Variants in ABCB4 observed in about 807,000 individuals in gnomAD.
ABCB4 encodes the protein ATP binding cassette subfamily B member 4.
A neutral mutation model predicts 145.7 loss-of-function variants in ABCB4; 76 were observed. The observed-to-expected ratio is 0.52, with a 90% confidence interval of 0.43 to 0.63. The LOEUF (loss-of-function observed/expected upper bound fraction) is 0.63. Among genes scored for constraint, ABCB4 ranks in the 30% least tolerant of loss-of-function variants. The pLI, the probability that ABCB4 is intolerant of heterozygous loss-of-function variation, is 0.00. For missense variants in ABCB4, 1,234 were observed against 1,553.1 expected (o/e 0.79, Z 3.45); for synonymous variants, 517 against 566.8 (o/e 0.91, Z 1.25).
chr7:87,402,368 A>C (rs1403217847), intron 27 of ABCB4, 66 bp from the exon 28 acceptor site: 112 of 1,569,722 alleles, frequency 7.1e-5, no homozygotes, highest in Non-Finnish European at 9.0e-5. Context: ...CATTCAAGTA[A>C]ATTTGAAAAT....
chr7:87,469,348 C>T (rs563867615), intron 3 of ABCB4, among the ~76,000 whole-genome samples: 1 of 152,174 alleles, frequency 6.6e-6, no homozygotes, highest in Non-Finnish European at 1.5e-5. Context: ...TCCTATTCAA[C>T]ATAGTGTTGG....
chr7:87,401,810 T>C lies in ABCB4; in HGVS notation c.*286A>G. On this transcript the variant is annotated 3_prime_UTR_variant, in exon 28 of 28. Coordinates refer to ENST00000649586, the MANE Select transcript of ABCB4 (RefSeq NM_000443.4). ...ACCATTTCCCTATGTCTGTGGCTTC[T>C]ATATTTCTACACCTGTACTTACCTT... 1.9e-6 allele frequency: 1 copy of C among 518,584 alleles called. No homozygotes were observed. The highest frequency in any genetic ancestry group is 1.9e-5 in the African/African-American group (1 of 52,254). 32.1% of individuals were successfully genotyped at this position (518,584 alleles called of 1,614,324 possible).
At chr7:87,435,441 G>A (rs1252842568) in intron 14 of ABCB4, among the ~76,000 whole-genome samples, 2 of 152,186 alleles carry the variant, frequency 1.3e-5, no homozygotes, top group African/African-American at 4.8e-5. Context: ...TAAAGAAATT[G>A]ATTTCTACAA....
intron 16 of ABCB4, 149 bp downstream of exon 16, chr7:87,426,601 T>C: frequency 1.4e-6 from 1 of 738,530 alleles, no homozygotes; most frequent in Admixed American, 2.8e-5. Flanking sequence ...GTCAAATACA[T>C]TTAAAATTTG....
At chr7:87,449,451 T>G (rs1275938777) in intron 8 of ABCB4, among the ~76,000 whole-genome samples, 1 of 152,058 alleles carries the variant, frequency 6.6e-6, no homozygotes, top group Non-Finnish European at 1.5e-5. Context: ...TTTAAAAAAT[T>G]TTTACTCTTT....
In ABCB4 at chr7:87,472,450, T is replaced by C. The variant is rs45590732; in HGVS notation, c.135+171A>G. Among the ~76,000 whole-genome samples, 7,384 of 152,184 alleles carry C rather than the reference T, an allele frequency of 0.049. 264 individuals are homozygous for C. The highest frequency in any genetic ancestry group is 0.067 in the Non-Finnish European group (4,588 of 68,006). ...TGTTGTCCAGGCTGGTCTCAAACTCTTGTGCTCAAGCAACCCTCCCACCTC... is the reference window on the plus strand; with the variant it reads ...TGTTGTCCAGGCTGGTCTCAAACTCCTGTGCTCAAGCAACCCTCCCACCTC... On this transcript the variant is annotated intron_variant, in intron 3 of 27. Transcript: ENST00000649586.
intron 14 of ABCB4, 90 bp downstream of exon 14, chr7:87,439,577 C>G (rs1291695212): frequency 1.4e-6 from 2 of 1,454,376 alleles, no homozygotes; most frequent in Non-Finnish European, 1.9e-6. Context: ...TGCTATGTTT[C>G]TGTTTCTCAG....
intron 12 of ABCB4, among the ~76,000 whole-genome samples, chr7:87,442,214 T>A (rs45539339): frequency 2.6e-5 from 4 of 151,992 alleles, no homozygotes; most frequent in African/African-American, 9.7e-5. Flanking sequence ...CAGAGTTTAC[T>A]TTAGTAAATG....
chr7:87,463,094 G>A (rs1812575500), intron 3 of ABCB4, among the ~76,000 whole-genome samples, 186 bp from the exon 4 acceptor site: 1 of 152,092 alleles, frequency 6.6e-6, no homozygotes, highest in African/African-American at 2.4e-5. Context: ...TTTGTATTCT[G>A]TGAAGAAATC....
intron 3 of ABCB4, among the ~76,000 whole-genome samples, chr7:87,463,483 AC>A (rs892871146): frequency 2.6e-5 from 4 of 152,204 alleles, no homozygotes; most frequent in African/African-American, 9.7e-5. Flanking sequence ...CTTATGCAGA[AC>A]CTTTTTTAAA....
chr7:87,445,832 T>C (rs1332626147), intron 9 of ABCB4, among the ~76,000 whole-genome samples: 2 of 152,174 alleles, frequency 1.3e-5, no homozygotes, highest in African/African-American at 4.8e-5. Flanking sequence ...GTTAATGCAA[T>C]AGAGTCCCTG....
At chr7:87,375,597 T>A in the ABCB4 span, 1 of 1,501,442 alleles carries the variant, frequency 6.7e-7, no homozygotes. Flanking sequence ...TTTCTGCCTG[T>A]ACTCTTTTTT....
chr7:87,467,003 A>T (rs1425831914), intron 3 of ABCB4, among the ~76,000 whole-genome samples: 1 of 152,236 alleles, frequency 6.6e-6, no homozygotes, highest in Non-Finnish European at 1.5e-5. Context: ...AATGAGCAAA[A>T]TAACCAGCTA....
chr7:87,459,967 T>C (rs1292003641), intron 4 of ABCB4, among the ~76,000 whole-genome samples: 2 of 152,204 alleles, frequency 1.3e-5, no homozygotes, highest in African/African-American at 4.8e-5. Context: ...AGTGGAGATA[T>C]GGTGCTGACA....
In ABCB4 at chr7:87,472,624, T is replaced by G. The variant is rs774776417; in HGVS notation, c.132A>C (p.Thr44=). 4 of 1,607,956 alleles carry G rather than the reference T, an allele frequency of 2.5e-6. No individual in the cohort carries two copies. The highest frequency in any genetic ancestry group is 3.3e-5 in the Admixed American group (2 of 59,980). Residue 44 remains threonine, a synonymous_variant, in exon 3 of 28, where the codon ACA becomes ACC. Transcript: ENST00000649586. ...CATTTAACATTTCACAGCTTACCAA[T>G]GTTAATACTCCAATCATTTTCACTG... The part of the protein sequence containing the change: ...TKTVKMIGVL[T]LFRYSDWQDK...
intron 14 of ABCB4, among the ~76,000 whole-genome samples, chr7:87,432,755 G>A (rs1323977709): frequency 6.6e-6 from 1 of 152,166 alleles, no homozygotes; most frequent in Non-Finnish European, 1.5e-5. Context: ...GTTTCTTAAT[G>A]AGGTGGTGAA....
chr7:87,466,888 T>C (rs1312321762), intron 3 of ABCB4, among the ~76,000 whole-genome samples: 3 of 151,624 alleles, frequency 2.0e-5, no homozygotes, highest in African/African-American at 7.3e-5. Context: ...CTAAAAGAGG[T>C]CCTGAAGGAA....
intron 20 of ABCB4, 76 bp downstream of exon 20, chr7:87,418,461 A>G: frequency 1.5e-6 from 2 of 1,318,850 alleles, no homozygotes; most frequent in Non-Finnish European, 2.2e-6. Context: ...AAGCATCTTA[A>G]CAAGTGTGGG....
intron 21 of ABCB4, among the ~76,000 whole-genome samples, chr7:87,413,967 C>T (rs544433384): frequency 7.2e-4 from 109 of 152,356 alleles, no homozygotes; most frequent in South Asian, 4.3e-3. Context: ...AGGGCAAGAA[C>T]TGTGGCCTGG....
Sources: gnomAD v4.1 joint callset for allele counts (sites outside exome capture counted in the v4.1 genomes callset) on GRCh38, gnomAD v4.1.1 for gene constraint, MANE v1.5 for transcripts, NCBI Gene and HGNC (gene_info 2026-07-23, HGNC 2026-07-21) for gene names.